The following PADI2 variants were observed in gnomAD, a reference collection of about 807,000 sequenced individuals.
PADI2 encodes the protein protein-arginine deiminase type-2.
Under a neutral mutation model 81.1 loss-of-function variants are expected in PADI2, and 70 were observed. The observed-to-expected ratio is 0.86, with a 90% CI of 0.71 to 1.05. The LOEUF (loss-of-function observed/expected upper bound fraction) is 1.05. PADI2 is among the 50% of genes least tolerant of loss of function. The pLI, the probability that PADI2 is intolerant of heterozygous loss-of-function variation, is 0.00. For synonymous variants in PADI2, 338 were observed against 358.0 expected (o/e 0.94, Z 0.63); for missense variants, 853 against 889.9 (o/e 0.96, Z 0.53).
intron 10 of PADI2, among the ~76,000 whole-genome samples, chr1:17,081,910 C>T (rs2295047): frequency 0.55 from 83,857 of 152,034 alleles, 23,339 homozygotes; most frequent in Non-Finnish European, 0.59. Context: ...GTCAGGAGTT[C>T]GAGACCAGCC....
intron 1 of PADI2, among the ~76,000 whole-genome samples, chr1:17,112,523 TG>T (rs5772747): frequency 0.63 from 91,696 of 145,634 alleles, 29,831 homozygotes; most frequent in East Asian, 0.88. Flanking sequence ...TAGAGGAGTC[TG>T]GGGGGGGGAG....
At chr1:17,093,177 TCTCTGC>T (rs1357803672) in intron 5 of PADI2, among the ~76,000 whole-genome samples, 3 of 151,290 alleles carry the variant, frequency 2.0e-5, no homozygotes, top group Non-Finnish European at 4.4e-5. Flanking sequence ...CTCACTGCAA[TCTCTGC>T]CTCCTGGGTT....
At position 17,069,161 on chromosome 1, in the gene PADI2, G is replaced by A. The variant is rs77285572; in HGVS notation, c.1881C>T (p.Leu627=). The A allele has an allele frequency of 1.9e-3, 3,021 of 1,614,210 alleles. 32 individuals are homozygous for A. In the African/African-American group the frequency reaches 0.026, roughly 14 times the overall value. The change falls in exon 16 of 16, where the codon CTC becomes CTT. Residue 627 remains leucine (L), a synonymous_variant. Transcript: ENST00000375486. ...HVRGLLEPLG[L]ECTFIDDISA... ...AAATGTCGTCGATGAAGGTGCATTCGAGGCCCAGGGGCTCCAGGAGGCCAC... is the reference window on the plus strand; with the variant it reads ...AAATGTCGTCGATGAAGGTGCATTCAAGGCCCAGGGGCTCCAGGAGGCCAC...
rs376363044 is a variant in PADI2, at chr1:17,092,469, G to A, written c.594C>T (p.Tyr198=). The change falls in exon 6 of 16, where the codon TAC becomes TAT. Residue 198 remains tyrosine (Y), a synonymous_variant. Coordinates refer to ENST00000375486, the MANE Select transcript of PADI2 (RefSeq NM_007365.3). The part of the protein sequence containing the change: ...TKGPDRLPAG[Y]EIVLYISMSD... ...ACATGGAAATGTACAGAACTATCTC[G>A]TATCCGGCGGGGAGGCGGTCGGGGC... 2.2e-5 allele frequency: 36 copies of A among 1,605,630 alleles called. No homozygotes were observed. Among genetic ancestry groups the A allele is most frequent in the African/African-American group, 5.5e-5 (4 of 73,180 alleles).
intron 1 of PADI2, among the ~76,000 whole-genome samples, chr1:17,116,795 G>C (rs1279126559): frequency 2.0e-5 from 3 of 152,134 alleles, no homozygotes; most frequent in Non-Finnish European, 4.4e-5. Context: ...GAAAGGAGGT[G>C]GTGGGTTCAG....
At chr1:17,107,585 G>A (rs776637128) in intron 1 of PADI2, among the ~76,000 whole-genome samples, 5 of 152,208 alleles carry the variant, frequency 3.3e-5, no homozygotes, top group African/African-American at 4.8e-5. Context: ...GATGCTGCCG[G>A]TCCCAGTACC....
chr1:17,104,312 C>G (rs1242310012), intron 2 of PADI2, among the ~76,000 whole-genome samples: 1 of 149,372 alleles, frequency 6.7e-6, no homozygotes, highest in Non-Finnish European at 1.5e-5. Flanking sequence ...AAACAAAAAA[C>G]AAACAATTTT....
chr1:17,086,788 G>T, intron 6 of PADI2, 89 bp from the exon 7 acceptor site: 1 of 1,085,678 alleles, frequency 9.2e-7, no homozygotes, highest in Non-Finnish European at 1.4e-6. Flanking sequence ...AAAGGGCAAA[G>T]TAACTTGTCC....
intron 3 of PADI2, among the ~76,000 whole-genome samples, chr1:17,097,180 G>A (rs1012212755): frequency 3.3e-5 from 5 of 152,294 alleles, no homozygotes; most frequent in African/African-American, 9.6e-5. Flanking sequence ...TGGACCTGGT[G>A]GGCGCTGGGT....
At chr1:17,103,640 G>A (rs867203027) in intron 2 of PADI2, among the ~76,000 whole-genome samples, 19 of 123,722 alleles carry the variant, frequency 1.5e-4, no homozygotes, top group Middle Eastern at 7.9e-3. Flanking sequence ...CATCCTTTAC[G>A]AAGCCATCGT....
chr1:17,088,906 C>CAA (rs753463253), intron 6 of PADI2, among the ~76,000 whole-genome samples: 10 of 38,804 alleles, frequency 2.6e-4, no homozygotes, highest in African/African-American at 6.4e-4. Flanking sequence ...GACTCCATCT[C>CAA]AAAAAAAAAA....
At chr1:17,075,593 C>G in intron 12 of PADI2, 86 bp downstream of exon 12, 2 of 1,264,128 alleles carry the variant, frequency 1.6e-6, no homozygotes, top group Non-Finnish European at 2.2e-6. Context: ...TCGAGTTCCT[C>G]TAGCTCTTGC....
rs749377201 is a variant in PADI2, at chr1:17,105,050, G to C, written c.104C>G (p.Ala35Gly). 19 of 1,578,806 alleles carry C rather than the reference G, an allele frequency of 1.2e-5. No individual in the cohort carries two copies. The highest frequency in any genetic ancestry group is 7.9e-5 in the South Asian group (7 of 88,800). The change falls in exon 2 of 16, where the codon GCC becomes GGC. Residue 35 changes from alanine to glycine, a missense_variant. Coordinates refer to ENST00000375486, the MANE Select transcript of PADI2 (RefSeq NM_007365.3). ...CTTCAGGCTGAAGGTTTGGGCCCCG[G>C]CTGGGGCCGCGCTGTGGGGAGAGAT... ...LWTDVYSAAP[A>G]GAQTFSLKHS...
At chr1:17,116,832 C>T (rs1264546208) in intron 1 of PADI2, among the ~76,000 whole-genome samples, 2 of 152,182 alleles carry the variant, frequency 1.3e-5, no homozygotes, top group African/African-American at 4.8e-5. Flanking sequence ...AATACCTCCT[C>T]CTGTTATCAA....
At chr1:17,097,921 G>C (rs1417956802) in intron 3 of PADI2, among the ~76,000 whole-genome samples, 4 of 152,078 alleles carry the variant, frequency 2.6e-5, no homozygotes, top group Non-Finnish European at 5.9e-5. Flanking sequence ...GCCTCTTTAG[G>C]GAGCCACTCT....
chr1:17,084,721 G>A lies in PADI2; in HGVS notation c.835-19C>T. ...GAATGTCCTGGGTGTGGGAGACAAG[G>A]CGTGGGGGATCAAAAGGTTTTGTCA... On this transcript the variant is annotated intron_variant, in intron 7 of 15. Transcript: ENST00000375486. 6.7e-7 allele frequency: 1 copy of A among 1,487,684 alleles called. No individual in the cohort carries two copies. Among genetic ancestry groups the A allele is most frequent in the Non-Finnish European group, 9.2e-7 (1 of 1,092,632 alleles). 92.2% of individuals were successfully genotyped at this position (1,487,684 alleles called of 1,614,324 possible).
intron 1 of PADI2, among the ~76,000 whole-genome samples, chr1:17,113,507 G>T (rs1569600248): frequency 6.6e-6 from 1 of 152,220 alleles, no homozygotes; most frequent in Non-Finnish European, 1.5e-5. Flanking sequence ...GGGGAACTCA[G>T]GCTCTCTGAG....
intron 12 of PADI2, chr1:17,075,383 T>G (rs2078294655): frequency 5.1e-6 from 2 of 388,572 alleles, no homozygotes; most frequent in African/African-American, 2.1e-5. Flanking sequence ...TAGTCTGAAT[T>G]TAGGTGTGTC....
At chr1:17,089,579 C>A (rs372517186) in intron 6 of PADI2, among the ~76,000 whole-genome samples, 23 of 152,284 alleles carry the variant, frequency 1.5e-4, no homozygotes, top group East Asian at 1.4e-3. Flanking sequence ...TTTCTCCCTC[C>A]CGATGTGGCC....
Sources: allele counts gnomAD v4.1 joint callset (sites outside exome capture counted in the v4.1 genomes callset), GRCh38; gene constraint gnomAD v4.1.1; transcripts MANE v1.5; gene names NCBI Gene and HGNC (gene_info 2026-07-23, HGNC 2026-07-21).